Variants in STARD13 observed in about 807,000 individuals in gnomAD.
The protein encoded by STARD13 is stAR-related lipid transfer protein 13.
STARD13 carries 62 observed loss-of-function variants against 106.4 expected under a neutral mutation model. The ratio of observed to expected loss-of-function variants is 0.58; its 90% confidence interval spans 0.48 to 0.72. STARD13 has a LOEUF of 0.72. STARD13 is among the 30% of genes least tolerant of loss of function. The pLI, the probability that STARD13 is intolerant of heterozygous loss-of-function variation, is 0.00. For synonymous variants in STARD13, 565 were observed against 553.0 expected (o/e 1.02, Z -0.31); for missense variants, 1,387 against 1,424.0 (o/e 0.97, Z 0.42).
At chr13:33,417,147 A>G in the STARD13 span, among the ~76,000 whole-genome samples, 1 of 152,240 alleles carries the variant, frequency 6.6e-6, no homozygotes, top group South Asian at 2.1e-4. Flanking sequence ...GTCATTAGAA[A>G]AATGCCAATC....
At position 33,129,893 on chromosome 13, in the gene STARD13, G is replaced by T; in HGVS notation, c.784C>A (p.Arg262Ser). ...CCCTTCCCTCGGAGTGTTTCCATGC[G>T]TTTCAAAAATGATTTGGCCCTAGCC... ...TRARAKSFLK[R>S]METLRGKGAH... The change falls in exon 5 of 14, where the codon CGC becomes AGC. Residue 262 changes from arginine to serine, a missense_variant. Transcript: ENST00000336934. 6.2e-7 allele frequency: 1 copy of T among 1,613,148 alleles called. No homozygotes were observed.
chr13:33,535,578 TTAA>T, the STARD13 span, among the ~76,000 whole-genome samples: 1 of 152,300 alleles, frequency 6.6e-6, no homozygotes, highest in East Asian at 1.9e-4. Flanking sequence ...TCAAAATAAC[TTAA>T]TTATATTAAT....
intron 3 of STARD13, among the ~76,000 whole-genome samples, chr13:33,163,000 A>G (rs570288334): frequency 6.6e-6 from 1 of 152,192 alleles, no homozygotes; most frequent in African/African-American, 2.4e-5. Context: ...AAGAGGTTTA[A>G]TTGGACTTAC....
intron 3 of STARD13, among the ~76,000 whole-genome samples, chr13:33,154,558 A>C (rs1881716607): frequency 2.0e-5 from 3 of 152,374 alleles, no homozygotes; most frequent in Admixed American, 2.0e-4. Context: ...TCAAGGAAGA[A>C]CATAGGCTCT....
intron 1 of STARD13, among the ~76,000 whole-genome samples, chr13:33,329,604 A>C (rs911069093): frequency 3.3e-5 from 5 of 151,582 alleles, no homozygotes; most frequent in Non-Finnish European, 7.4e-5. Context: ...GTCACAAATG[A>C]CAGGATTTTC....
In STARD13 at chr13:33,128,918, A is replaced by G. The variant is rs768469302; in HGVS notation, c.1748+11T>C. The G allele has an allele frequency of 6.3e-6, 10 of 1,583,434 alleles. No homozygotes were observed. Among genetic ancestry groups the G allele is most frequent in the Non-Finnish European group, 8.6e-6 (10 of 1,167,430 alleles). On this transcript the variant is annotated intron_variant, in intron 5 of 13. Transcript: ENST00000336934. ...GGATGAAAAATCATTTCACAAGTGC[A>G]TGCCACCTACCTGTTTGGCCTGGTC... is the stretch of plus-strand genomic sequence containing the variant.
chr13:33,354,127 C>T (rs1477748183), upstream of STARD13, among the ~76,000 whole-genome samples: 2 of 152,186 alleles, frequency 1.3e-5, no homozygotes, highest in Non-Finnish European at 2.9e-5. Flanking sequence ...ACATCTGAAA[C>T]ACCTCCATAC....
the STARD13 span, among the ~76,000 whole-genome samples, chr13:33,454,276 C>T: frequency 1.3e-5 from 2 of 152,186 alleles, no homozygotes; most frequent in African/African-American, 4.8e-5. Flanking sequence ...CTCCACTGAT[C>T]AGGCTAAGCT....
At chr13:33,662,530 T>C in the STARD13 span, among the ~76,000 whole-genome samples, 1 of 152,230 alleles carries the variant, frequency 6.6e-6, no homozygotes, top group African/African-American at 2.4e-5. Context: ...AAGTTACATC[T>C]GATTTTGTCT....
intron 1 of STARD13, among the ~76,000 whole-genome samples, chr13:33,256,591 G>A (rs748694870): frequency 6.6e-6 from 1 of 152,122 alleles, no homozygotes; most frequent in Non-Finnish European, 1.5e-5. Context: ...AATCATAGGG[G>A]TATTTTTTTC....
chr13:33,406,182 T>G, the STARD13 span, among the ~76,000 whole-genome samples: 3 of 152,226 alleles, frequency 2.0e-5, no homozygotes, highest in African/African-American at 7.2e-5. Context: ...CCAAACAGAT[T>G]TGAAATACTA....
At chr13:33,534,936 G>T in the STARD13 span, among the ~76,000 whole-genome samples, 3 of 152,004 alleles carry the variant, frequency 2.0e-5, no homozygotes, top group Non-Finnish European at 4.4e-5. Flanking sequence ...AAGGAGAACC[G>T]GGCCGTTTGT....
intron 1 of STARD13, among the ~76,000 whole-genome samples, chr13:33,233,899 T>C (rs1241568209): frequency 1.3e-5 from 2 of 152,198 alleles, no homozygotes; most frequent in African/African-American, 4.8e-5. Context: ...ATCTTGCACT[T>C]GCTTGCTCAC....
At chr13:33,190,420 C>CA (rs1331399650) in intron 1 of STARD13, among the ~76,000 whole-genome samples, 2 of 150,922 alleles carry the variant, frequency 1.3e-5, no homozygotes, top group African/African-American at 2.4e-5. Flanking sequence ...GACCCTGTCT[C>CA]AAAAAAAATA....
intron 1 of STARD13, among the ~76,000 whole-genome samples, chr13:33,204,113 G>A (rs980388506): frequency 6.6e-6 from 1 of 152,146 alleles, no homozygotes; most frequent in Non-Finnish European, 1.5e-5. Context: ...GTCTCCATAA[G>A]GTCTGACGTG....
At chr13:33,586,441 A>T in the STARD13 span, among the ~76,000 whole-genome samples, 4 of 152,100 alleles carry the variant, frequency 2.6e-5, no homozygotes, top group African/African-American at 9.7e-5. Flanking sequence ...CTTTTTGGTG[A>T]TGGTTGACAT....
the STARD13 span, among the ~76,000 whole-genome samples, chr13:33,575,140 A>C: frequency 9.9e-5 from 15 of 150,890 alleles, no homozygotes; most frequent in African/African-American, 3.2e-4. Context: ...CTGGTCTCCA[A>C]CTCCTGACCT....
Position 33,129,801 on chromosome 13 carries a change from C to T in STARD13, c.876G>A (p.Gln292=), listed in dbSNP as rs769716632. The change falls in exon 5 of 14, where the codon CAG becomes CAA. Residue 292 remains glutamine (Q), a synonymous_variant. Transcript: ENST00000336934. ...GGLVISGPML[Q]QEPESFKAMQ... ...TAGCCTTAAAGGACTCTGGCTCCTG[C>T]TGCAACATGGGCCCACTGATCACCA... is the stretch of plus-strand genomic sequence containing the variant. The T allele has an allele frequency of 1.9e-6, 3 of 1,613,710 alleles. No homozygotes were observed. The African/African-American group carries it at 4.0e-5, about 22-fold the overall frequency.
In STARD13 at chr13:33,130,738, A is replaced by G. The variant is rs1027823775; in HGVS notation, c.388-449T>C. The stretch of plus-strand genomic sequence containing the variant: ...ACTGAGCCCCGGGGACCATATTTCC[A>G]GCTTGCCCCATCTGAATCTCAGCTT... On this transcript the variant is annotated intron_variant, in intron 4 of 13. Coordinates refer to ENST00000336934, the MANE Select transcript of STARD13 (RefSeq NM_178006.4). This position sits in a 1 kb window ranked among gnomAD's most constrained non-coding sequence, Gnocchi z 4.1. 1.3e-5 allele frequency among the ~76,000 whole-genome samples: 2 copies of G among 152,168 alleles called. No individual in the cohort carries two copies. Among genetic ancestry groups the G allele is most frequent in the Non-Finnish European group, 2.9e-5 (2 of 68,028 alleles).
Sources: gnomAD v4.1 joint callset for allele counts (sites outside exome capture counted in the v4.1 genomes callset) on GRCh38, gnomAD v4.1.1 for gene constraint, Gnocchi (gnomAD v3.1) non-coding constraint, MANE v1.5 for transcripts, NCBI Gene and HGNC (gene_info 2026-07-23, HGNC 2026-07-21) for gene names.